The following ABRACL variants were observed in gnomAD, a reference collection of about 807,000 sequenced individuals.
The protein encoded by ABRACL is ABRA C-terminal like, also known as costars family protein ABRACL.
A neutral mutation model predicts 7.0 loss-of-function variants in ABRACL; 4 were observed. The ratio of observed to expected loss-of-function variants is 0.57; its 90% CI spans 0.28 to 1.30. ABRACL has a LOEUF of 1.30. ABRACL is among the 50% of genes most tolerant of loss of function. The pLI is 0.10. For missense variants in ABRACL, 104 were observed against 97.3 expected, an observed-to-expected ratio of 1.07 and a Z score of -0.29; for synonymous variants, 30 against 36.0, an observed-to-expected ratio of 0.83 and a Z score of 0.60.
chr6:139,041,232 C>T (rs1282626064), intron 2 of ABRACL, among the ~76,000 whole-genome samples: 1 of 151,756 alleles, frequency 6.6e-6, no homozygotes. Context: ...ACATCTTGCC[C>T]TCCTCTAAAC....
chr6:139,034,500 T>C (rs940886046), intron 2 of ABRACL: 15 of 1,295,850 alleles, frequency 1.2e-5, no homozygotes, highest in Non-Finnish European at 1.2e-5. Flanking sequence ...TTTGACTGCA[T>C]TGAAATTTGG....
chr6:139,037,725 C>T (rs56029058), intron 2 of ABRACL, among the ~76,000 whole-genome samples: 14,696 of 151,696 alleles, frequency 0.097, 789 homozygotes, highest in Non-Finnish European at 0.12. Context: ...TTCCTGAGCT[C>T]AGTGAGGTCA....
intron 2 of ABRACL, among the ~76,000 whole-genome samples, chr6:139,038,758 G>C (rs1201153798): frequency 6.6e-6 from 1 of 152,208 alleles, no homozygotes; most frequent in East Asian, 1.9e-4. Context: ...AGTACCTAGA[G>C]GGAAGTGATT....
At chr6:139,032,895 A>C (rs9385845) in intron 1 of ABRACL, among the ~76,000 whole-genome samples, 28,673 of 152,152 alleles carry the variant, frequency 0.19, 2,823 homozygotes, top group South Asian at 0.31. Context: ...GCCAGACATG[A>C]TAGAGCAGTG....
Position 139,043,267 on chromosome 6 carries a change from G to T in ABRACL, c.*364G>T. The stretch of plus-strand genomic sequence containing the variant: ...CAACTCCTATGAGAAATATTATGAT[G>T]TTTATGTAATAAAGACATGTAACTG... On this transcript the variant is annotated 3_prime_UTR_variant, in exon 3 of 3. Coordinates refer to ENST00000367660, the MANE Select transcript of ABRACL (RefSeq NM_021243.3). The T allele has an allele frequency of 6.2e-6, 1 of 160,668 alleles. No individual in the cohort carries two copies. Among genetic ancestry groups the T allele is most frequent in the Non-Finnish European group, 1.4e-5 (1 of 73,934 alleles). The allele number at this position is 160,668 out of a possible 1,614,324, so 10.0% of individuals were successfully genotyped here.
At chr6:139,029,295 G>C (rs1357851202) in intron 1 of ABRACL, among the ~76,000 whole-genome samples, 1 of 152,136 alleles carries the variant, frequency 6.6e-6, no homozygotes, top group Non-Finnish European at 1.5e-5. Flanking sequence ...CAGGGCAGTG[G>C]ACTCTGCAGC....
chr6:139,033,641 T>G (rs865997297), intron 1 of ABRACL, among the ~76,000 whole-genome samples: 1 of 152,280 alleles, frequency 6.6e-6, no homozygotes, highest in Non-Finnish European at 1.5e-5. Context: ...GCTGGACCAG[T>G]CCTCCCCAGT....
intron 1 of ABRACL, among the ~76,000 whole-genome samples, chr6:139,033,365 G>A (rs1409211834): frequency 1.3e-5 from 2 of 152,224 alleles, no homozygotes; most frequent in Non-Finnish European, 2.9e-5. Context: ...TATTGCAATC[G>A]GATTTACTGG....
chr6:139,035,076 T>G (rs566286967), intron 2 of ABRACL, among the ~76,000 whole-genome samples: 1 of 152,350 alleles, frequency 6.6e-6, no homozygotes, highest in African/African-American at 2.4e-5. Context: ...TCTCAAGATT[T>G]GTGTCATTAT....
intron 2 of ABRACL, among the ~76,000 whole-genome samples, chr6:139,036,383 G>A (rs898485524): frequency 1.3e-5 from 2 of 152,096 alleles, no homozygotes; most frequent in African/African-American, 4.8e-5. Flanking sequence ...ACAGATTCTA[G>A]GGATTGGTAC....
At position 139,042,976 on chromosome 6, in the gene ABRACL, C is replaced by A. The variant is rs987953571; in HGVS notation, c.*73C>A. The A allele has an allele frequency of 6.5e-6, 8 of 1,230,510 alleles. No homozygotes were observed. Among genetic ancestry groups the A allele is most frequent in the African/African-American group, 1.5e-5 (1 of 65,552 alleles). 76.2% of individuals were successfully genotyped at this position (1,230,510 alleles called of 1,614,324 possible). On this transcript the variant is annotated 3_prime_UTR_variant, in exon 3 of 3. Transcript: ENST00000367660. ...CTGGAATATAAAGTGAAAGAACAAA[C>A]ATTTGAACATACTTAATGTATTTTT...
At chr6:139,035,125 A>G (rs1786134816) in intron 2 of ABRACL, among the ~76,000 whole-genome samples, 1 of 152,256 alleles carries the variant, frequency 6.6e-6, no homozygotes, top group South Asian at 2.1e-4. Flanking sequence ...TTCCTGAATC[A>G]CAAATCCTTT....
chr6:139,038,812 T>G (rs1387068431), intron 2 of ABRACL, among the ~76,000 whole-genome samples: 5 of 152,322 alleles, frequency 3.3e-5, no homozygotes, highest in East Asian at 1.9e-4. Flanking sequence ...GAATCCCAGC[T>G]CCTCTACATA....
At chr6:139,032,929 G>A (rs1389258922) in intron 1 of ABRACL, among the ~76,000 whole-genome samples, 2 of 152,242 alleles carry the variant, frequency 1.3e-5, no homozygotes, top group Non-Finnish European at 2.9e-5. Flanking sequence ...GATCCCTGCA[G>A]AGGGGAGCTT....
chr6:139,042,056 C>T (rs775527780), intron 2 of ABRACL, among the ~76,000 whole-genome samples: 4 of 152,150 alleles, frequency 2.6e-5, no homozygotes, highest in African/African-American at 4.8e-5. Context: ...TCAAAGGAAT[C>T]GCCCAAGGAT....
chr6:139,034,008 A>G (rs1386025687), intron 1 of ABRACL, 147 bp from the exon 2 acceptor site: 1 of 1,066,822 alleles, frequency 9.4e-7, no homozygotes, highest in Non-Finnish European at 1.3e-6. Flanking sequence ...TCAGTGCCAC[A>G]TGCATCACAC....
chr6:139,029,545 C>A (rs980058988), intron 1 of ABRACL, among the ~76,000 whole-genome samples: 1 of 152,066 alleles, frequency 6.6e-6, no homozygotes, highest in African/African-American at 2.4e-5. Flanking sequence ...CGGTGCCGCC[C>A]CGCCACGGGG....
At position 139,034,153 on chromosome 6, in the gene ABRACL, A is replaced by T; in HGVS notation, c.-6-2A>T. The T allele has an allele frequency of 6.2e-7, 1 of 1,614,128 alleles. No homozygotes were observed. Among genetic ancestry groups the T allele is most frequent in the Non-Finnish European group, 8.5e-7 (1 of 1,180,014 alleles). On this transcript the variant is annotated splice_acceptor_variant, in intron 1 of 2. Coordinates refer to ENST00000367660, the MANE Select transcript of ABRACL (RefSeq NM_021243.3). LOFTEE classifies it low-confidence loss of function (5UTR_SPLICE). ...TTTAGACTTCCTTTTTTTCTCTCCC[A>T]GGCAGCAATGAATGTGGATCACGAG...
intron 1 of ABRACL, among the ~76,000 whole-genome samples, chr6:139,029,909 C>T (rs1043785006): frequency 2.0e-5 from 3 of 152,096 alleles, no homozygotes; most frequent in African/African-American, 4.8e-5. Context: ...ATAACAATGC[C>T]CTGAGGGTCC....
Sources: gnomAD v4.1 joint callset for allele counts (sites outside exome capture counted in the v4.1 genomes callset) on GRCh38, gnomAD v4.1.1 for gene constraint, MANE v1.5 for transcripts, NCBI Gene and HGNC (gene_info 2026-07-23, HGNC 2026-07-21) for gene names.